RBM47: variants seen among roughly 807,000 people sequenced by gnomAD.
The protein encoded by RBM47 is RNA binding motif protein 47.
Under a neutral mutation model 47.1 loss-of-function variants are expected in RBM47, and 21 were observed. The observed-to-expected ratio is 0.45, with a 90% CI of 0.32 to 0.64. The LOEUF is 0.64. RBM47 is among the 30% of genes least tolerant of loss of function. The pLI, the probability that RBM47 is intolerant of heterozygous loss-of-function variation, is 0.05. For synonymous variants in RBM47, 375 were observed against 361.7 expected (o/e 1.04, Z -0.42); for missense variants, 708 against 870.9 (o/e 0.81, Z 2.35).
intron 2 of RBM47, among the ~76,000 whole-genome samples, chr4:40,535,371 CTTT>C (rs1177127352): frequency 1.9e-5 from 2 of 103,456 alleles, no homozygotes; most frequent in Non-Finnish European, 1.9e-5. Flanking sequence ...TATGGTATTT[CTTT>C]TTTTTTTTTT....
At chr4:40,488,883 G>A (rs1721485934) in intron 2 of RBM47, among the ~76,000 whole-genome samples, 1 of 152,178 alleles carries the variant, frequency 6.6e-6, no homozygotes, top group African/African-American at 2.4e-5. Flanking sequence ...AATCCTATGA[G>A]GTACTAATTA....
At chr4:40,520,929 C>T (rs1560441975) in intron 2 of RBM47, among the ~76,000 whole-genome samples, 2 of 152,084 alleles carry the variant, frequency 1.3e-5, no homozygotes, top group Admixed American at 6.6e-5. Context: ...AGAGGCTCCA[C>T]GGTTCTTAAA....
At chr4:40,464,450 T>C (rs975520690) in intron 3 of RBM47, among the ~76,000 whole-genome samples, 20 of 152,182 alleles carry the variant, frequency 1.3e-4, no homozygotes, top group African/African-American at 4.3e-4. Context: ...GTAACAATTA[T>C]AGCAATACTC....
In RBM47 at chr4:40,425,873, G is replaced by T; in HGVS notation, c.*31C>A. On this transcript the variant is annotated 3_prime_UTR_variant, in exon 7 of 7. Transcript: ENST00000295971. ...GTCAAGCGTTCCTTCAGTGGTGTTTGTGTGGTCTGTCTTCGTGCTGGTCAC... is the reference window on the plus strand; with the variant it reads ...GTCAAGCGTTCCTTCAGTGGTGTTTTTGTGGTCTGTCTTCGTGCTGGTCAC... 6.2e-7 allele frequency: 1 copy of T among 1,605,760 alleles called. No homozygotes were observed. Among genetic ancestry groups the T allele is most frequent in the Non-Finnish European group, 8.5e-7 (1 of 1,173,436 alleles).
intron 3 of RBM47, among the ~76,000 whole-genome samples, chr4:40,459,615 C>T (rs1394299066): frequency 6.6e-6 from 1 of 152,020 alleles, no homozygotes; most frequent in African/African-American, 2.4e-5. Context: ...TGTGGTTTAC[C>T]TGCATATAGA....
chr4:40,467,820 TAC>T (rs1392799223), intron 2 of RBM47, among the ~76,000 whole-genome samples: 1 of 152,194 alleles, frequency 6.6e-6, no homozygotes, highest in Non-Finnish European at 1.5e-5. Flanking sequence ...TTTTCCAAAC[TAC>T]AGAGAGCCCC....
Position 40,432,717 on chromosome 4 carries a change from G to A in RBM47, c.1476C>T (p.Ala492=), listed in dbSNP as rs3752824. 225 of 1,611,244 alleles carry A rather than the reference G, an allele frequency of 1.4e-4. 1 individual carries two copies. In the East Asian group the frequency reaches 4.2e-3, roughly 30 times the overall value. ...VQPDPASAAA[A]AAAAAAAAAA... is the part of the protein sequence containing the mutation. ...CTGCGGCGGCTGCGGCCGCGGCTGC[G>A]GCGGCAGCAGCACTGGCTGGGTCTG... is the stretch of plus-strand genomic sequence containing the variant. Residue 492 remains alanine (A), a synonymous_variant, in exon 6 of 7, where the codon GCC becomes GCT. Transcript: ENST00000295971.
chr4:40,606,261 T>C (rs1735749233), intron 1 of RBM47, among the ~76,000 whole-genome samples: 1 of 151,382 alleles, frequency 6.6e-6, no homozygotes, highest in South Asian at 2.1e-4. Context: ...ATGTAGGTGA[T>C]ATATAGATAT....
At position 40,438,375 on chromosome 4, in the gene RBM47, C is replaced by T. The variant is rs775541748; in HGVS notation, c.519G>A (p.Lys173=). 4.4e-5 allele frequency: 71 copies of T among 1,612,722 alleles called. No homozygotes were observed. The highest frequency in any genetic ancestry group is 5.8e-5 in the Non-Finnish European group (68 of 1,180,000). The part of the protein sequence containing the change: ...KREEILEEIA[K]VTEGVLDVIV... Reference sequence around the variant, plus strand: ...TCACGTCCAGCACGCCCTCGGTGACCTTGGCAATCTCCTCCAGGATTTCCT... The same window carrying T: ...TCACGTCCAGCACGCCCTCGGTGACTTTGGCAATCTCCTCCAGGATTTCCT... Residue 173 remains lysine (K), a synonymous_variant, in exon 4 of 7, where the codon AAG becomes AAA. Transcript: ENST00000295971.
intron 1 of RBM47, among the ~76,000 whole-genome samples, chr4:40,545,049 T>C (rs1728887361): frequency 2.0e-5 from 1 of 50,806 alleles, no homozygotes; most frequent in Non-Finnish European, 3.5e-5. Context: ...AGTGAGATCC[T>C]TTTTTTTTTT....
intron 5 of RBM47, among the ~76,000 whole-genome samples, chr4:40,434,193 G>A (rs894333703): frequency 6.6e-6 from 1 of 152,104 alleles, no homozygotes; most frequent in Non-Finnish European, 1.5e-5. Context: ...ACAGCCATTC[G>A]ATAAAATATA....
chr4:40,534,980 AG>A (rs1234508665), intron 2 of RBM47, among the ~76,000 whole-genome samples: 1 of 151,302 alleles, frequency 6.6e-6, no homozygotes, highest in Non-Finnish European at 1.5e-5. Flanking sequence ...AGACTGACGT[AG>A]GTATGTGAGC....
chr4:40,575,423 G>A (rs1420910185), intron 1 of RBM47, among the ~76,000 whole-genome samples: 1 of 151,766 alleles, frequency 6.6e-6, no homozygotes, highest in African/African-American at 2.4e-5. Flanking sequence ...GTGGTGGCGG[G>A]CCCCTTTAAT....
At chr4:40,440,251 A>G (rs1383088577) in intron 3 of RBM47, among the ~76,000 whole-genome samples, 4 of 152,232 alleles carry the variant, frequency 2.6e-5, no homozygotes, top group Non-Finnish European at 4.4e-5. Flanking sequence ...CAATGATAGC[A>G]CAATGAAACT....
chr4:40,517,872 G>A (rs2154255322), intron 2 of RBM47, among the ~76,000 whole-genome samples: 1 of 152,162 alleles, frequency 6.6e-6, no homozygotes, highest in Middle Eastern at 3.4e-3. Flanking sequence ...ATGACTCAAA[G>A]TATATGGGAA....
At chr4:40,536,504 C>G (rs1225839763) in intron 2 of RBM47, among the ~76,000 whole-genome samples, 1 of 152,150 alleles carries the variant, frequency 6.6e-6, no homozygotes, top group Non-Finnish European at 1.5e-5. Flanking sequence ...AAGCATAAAG[C>G]CATTATTGAC....
chr4:40,614,831 T>A (rs1444204419), intron 1 of RBM47, among the ~76,000 whole-genome samples: 1 of 151,700 alleles, frequency 6.6e-6, no homozygotes, highest in Admixed American at 6.6e-5. Flanking sequence ...AAGGACACTG[T>A]CACACACACA....
intron 2 of RBM47, among the ~76,000 whole-genome samples, chr4:40,509,040 A>G (rs529066494): frequency 6.6e-6 from 1 of 152,154 alleles, no homozygotes; most frequent in East Asian, 1.9e-4. Context: ...GCGTGCCTGT[A>G]GCCCAGCTAC....
rs371425687 is a variant in RBM47 at position 40,517,022 on chromosome 4, C to T, written c.-155+27400G>A. On this transcript the variant is annotated intron_variant, in intron 2 of 6. Transcript: ENST00000295971. ...TTACTCCTATCACAGAAGTCTTTCC[C>T]ATGAGCACCCCTCTTGGGTCACCTG... Among the ~76,000 whole-genome samples, 6 of 152,258 alleles carry T rather than the reference C, an allele frequency of 3.9e-5. 1 individual carries two copies. Among genetic ancestry groups the T allele is most frequent in the African/African-American group, 1.4e-4 (6 of 41,526 alleles).
Sources: allele counts gnomAD v4.1 joint callset (sites outside exome capture counted in the v4.1 genomes callset), GRCh38; gene constraint gnomAD v4.1.1; transcripts MANE v1.5; gene names NCBI Gene and HGNC (gene_info 2026-07-23, HGNC 2026-07-21).